The following MAGI2 variants were observed in gnomAD, a reference collection of about 807,000 sequenced individuals.
MAGI2 encodes membrane associated guanylate kinase, WW and PDZ domain containing 2.
Under a neutral mutation model 133.3 loss-of-function variants are expected in MAGI2, and 35 were observed. The observed-to-expected ratio is 0.26, with a 90% confidence interval of 0.20 to 0.35. The LOEUF (loss-of-function observed/expected upper bound fraction) is 0.35. Among genes scored for constraint, MAGI2 ranks in the 10% least tolerant of loss-of-function variants. The pLI is 1.00. For missense variants in MAGI2, 1,636 were observed against 1,863.4 expected (o/e 0.88, Z 2.25); for synonymous variants, 729 against 710.6 (o/e 1.03, Z -0.41).
At chr7:79,189,312 C>CAAAAAA (rs34814587) in intron 1 of MAGI2, among the ~76,000 whole-genome samples, 55 of 74,270 alleles carry the variant, frequency 7.4e-4, no homozygotes, top group East Asian at 2.0e-3. Flanking sequence ...TTTTTATAGG[C>CAAAAAA]AAAAAAAAAA....
At chr7:79,242,879 A>T (rs1392798688) in intron 1 of MAGI2, among the ~76,000 whole-genome samples, 2 of 152,190 alleles carry the variant, frequency 1.3e-5, no homozygotes, top group Non-Finnish European at 2.9e-5. Flanking sequence ...GTTCCCTAAA[A>T]GCATAATGCT....
chr7:78,267,238 A>G (rs798329), intron 9 of MAGI2, among the ~76,000 whole-genome samples: 48,416 of 152,058 alleles, frequency 0.32, 9,908 homozygotes, highest in African/African-American at 0.57. Context: ...GGCTGCCAGA[A>G]TATTTCTCCC....
intron 3 of MAGI2, among the ~76,000 whole-genome samples, chr7:78,609,538 C>T (rs1391832150): frequency 4.6e-5 from 7 of 152,112 alleles, no homozygotes; most frequent in Non-Finnish European, 7.4e-5. Context: ...CATGCACAAA[C>T]ATGTTTTTAA....
At position 79,438,534 on chromosome 7, in the gene MAGI2, A is replaced by C. The variant is rs143215466; in HGVS notation, c.301+14486T>G. Among the ~76,000 whole-genome samples, 6 of 152,230 alleles carry C rather than the reference A, an allele frequency of 3.9e-5. No individual in the cohort carries two copies. The East Asian group carries it at 9.7e-4, about 25-fold the overall frequency. The stretch of plus-strand genomic sequence containing the variant: ...TCAAAGATAGCAATTTTCTTTTTCT[A>C]GAACAGCTAAAGCCATTTCCCCTGT... On this transcript the variant is annotated intron_variant, in intron 1 of 21. Transcript: ENST00000354212.
chr7:78,227,808 G>A (rs959863371), intron 10 of MAGI2, among the ~76,000 whole-genome samples: 1 of 150,686 alleles, frequency 6.6e-6, no homozygotes, highest in Admixed American at 6.7e-5. Flanking sequence ...TGTCACCTGA[G>A]GAAGTTGTGT....
At chr7:78,557,975 CTTT>C (rs5885075) in intron 3 of MAGI2, among the ~76,000 whole-genome samples, 4,445 of 150,636 alleles carry the variant, frequency 0.03, 148 homozygotes, top group African/African-American at 0.08. Flanking sequence ...TATTGGAACT[CTTT>C]TTTTTTTTTA....
chr7:78,880,215 T>C (rs1005064074), intron 2 of MAGI2, among the ~76,000 whole-genome samples: 54 of 152,110 alleles, frequency 3.6e-4, no homozygotes, highest in African/African-American at 8.0e-4. Context: ...GTACAAGAAA[T>C]ACAGAGAACA....
chr7:78,230,721 A>G (rs1454337922), intron 10 of MAGI2, among the ~76,000 whole-genome samples: 2 of 152,194 alleles, frequency 1.3e-5, no homozygotes, highest in African/African-American at 4.8e-5. Context: ...CCCCTATTTC[A>G]TTAGCCTGAC....
At chr7:78,252,299 G>A (rs1285109699) in intron 10 of MAGI2, 1 of 152,128 alleles carries the variant, frequency 6.6e-6, no homozygotes, top group East Asian at 1.9e-4. Flanking sequence ...CCTAGAGGGT[G>A]TGGTAGTAGC....
intron 1 of MAGI2, among the ~76,000 whole-genome samples, chr7:79,420,420 CAGG>C (rs1193021300): frequency 6.6e-6 from 1 of 151,972 alleles, no homozygotes; most frequent in Admixed American, 6.6e-5. Context: ...TACAACCCCG[CAGG>C]AGTTCTGCTT....
chr7:78,794,903 A>G (rs1787476309), intron 2 of MAGI2, among the ~76,000 whole-genome samples: 2 of 152,112 alleles, frequency 1.3e-5, no homozygotes. Context: ...ATGAAAAAAA[A>G]ATTGATTTTA....
rs572758668 is a variant in MAGI2 at position 79,039,261 on chromosome 7, T to A, written c.302-32055A>T. 7.2e-5 allele frequency among the ~76,000 whole-genome samples: 11 copies of A among 152,274 alleles called. No homozygotes were observed. In the East Asian group the frequency reaches 1.9e-3, roughly 27 times the overall value. On this transcript the variant is annotated intron_variant, in intron 1 of 21. Transcript: ENST00000354212. The stretch of plus-strand genomic sequence containing the variant: ...AAGGACATGTTTGCTCCCACTTCCA[T>A]CACGATTGTAAGTTTCCTGAGGTGT...
chr7:79,258,161 T>G (rs892851130), intron 1 of MAGI2, among the ~76,000 whole-genome samples: 2 of 152,182 alleles, frequency 1.3e-5, no homozygotes, highest in Non-Finnish European at 2.9e-5. Context: ...GAGACACAAA[T>G]TAATAAAGCA....
chr7:78,417,581 A>C (rs992136235), intron 6 of MAGI2, among the ~76,000 whole-genome samples: 4 of 152,290 alleles, frequency 2.6e-5, no homozygotes, highest in Non-Finnish European at 5.9e-5. Context: ...TTTGAGAGCA[A>C]AAACTAAATC....
chr7:79,042,462 G>T (rs1338276036), intron 1 of MAGI2, among the ~76,000 whole-genome samples: 1 of 152,030 alleles, frequency 6.6e-6, no homozygotes, highest in African/African-American at 2.4e-5. Flanking sequence ...CATATAGTTG[G>T]GTCTTGCTTC....
intron 6 of MAGI2, among the ~76,000 whole-genome samples, chr7:78,470,399 G>T (rs1287946352): frequency 6.6e-6 from 1 of 152,070 alleles, no homozygotes; most frequent in African/African-American, 2.4e-5. Flanking sequence ...TGACAAATTG[G>T]TTGGAACATT....
At chr7:78,500,938 A>G (rs1445101133) in intron 5 of MAGI2, among the ~76,000 whole-genome samples, 3 of 152,168 alleles carry the variant, frequency 2.0e-5, no homozygotes, top group African/African-American at 7.2e-5. Flanking sequence ...AAATACAAAA[A>G]TTAGCCAGGC....
intron 1 of MAGI2, among the ~76,000 whole-genome samples, chr7:79,071,041 T>TGAA (rs1361879042): frequency 1.3e-5 from 2 of 152,194 alleles, no homozygotes; most frequent in African/African-American, 4.8e-5. Flanking sequence ...TTTTTGGAGT[T>TGAA]TTCAGCCTTA....
chr7:79,306,854 A>G (rs967450399), intron 1 of MAGI2, among the ~76,000 whole-genome samples: 1 of 151,452 alleles, frequency 6.6e-6, no homozygotes, highest in Non-Finnish European at 1.5e-5. Context: ...TAGCTCTGTC[A>G]CCAGGCTGGA....
Sources: gnomAD v4.1 joint callset for allele counts (sites outside exome capture counted in the v4.1 genomes callset) on GRCh38, gnomAD v4.1.1 for gene constraint, MANE v1.5 for transcripts, NCBI Gene and HGNC (gene_info 2026-07-23, HGNC 2026-07-21) for gene names.